DPYD: variants seen among roughly 807,000 people sequenced by gnomAD.
The protein encoded by DPYD is dihydropyrimidine dehydrogenase.
DPYD carries 109 observed loss-of-function variants against 116.2 expected under a neutral mutation model. That is an observed-to-expected ratio of 0.94 (90% CI 0.80 to 1.10). The LOEUF (loss-of-function observed/expected upper bound fraction) is 1.10. Ranked by LOEUF, DPYD falls within the 50% of genes least tolerant of loss-of-function variation. The probability of loss-of-function intolerance (pLI) is 0.00; values close to 1 mark genes in which losing one functional copy is unlikely to be tolerated. For missense variants in DPYD, 1,302 were observed against 1,254.5 expected, an observed-to-expected ratio of 1.04 and a Z score of -0.57; for synonymous variants, 440 against 432.0, an observed-to-expected ratio of 1.02 and a Z score of -0.23.
chr1:97,086,174 C>G (rs1399878717), intron 21 of DPYD, among the ~76,000 whole-genome samples: 1 of 152,150 alleles, frequency 6.6e-6, no homozygotes, highest in Non-Finnish European at 1.5e-5. Flanking sequence ...CTCCCTCAGC[C>G]TCCCAAGTAG....
In DPYD at chr1:97,725,224, T is replaced by C. The variant is rs1174860473; in HGVS notation, c.322-3553A>G. Among the ~76,000 whole-genome samples the C allele has an allele frequency of 3.3e-5, 5 of 151,610 alleles. No homozygotes were observed. In the East Asian group the frequency reaches 9.6e-4, roughly 29 times the overall value. On this transcript the variant is annotated intron_variant, in intron 4 of 22. Coordinates refer to ENST00000370192, the MANE Select transcript of DPYD (RefSeq NM_000110.4). ...CAACAGCAACAAACAAAATAAATTA[T>C]TCAGAACTATATGTATTAAAAACTG...
chr1:97,164,442 G>GA, intron 20 of DPYD, among the ~76,000 whole-genome samples: 1 of 152,240 alleles, frequency 6.6e-6, no homozygotes, highest in South Asian at 2.1e-4. Context: ...TTAGGCAAGA[G>GA]AAAGAAATAC....
intron 18 of DPYD, among the ~76,000 whole-genome samples, chr1:97,273,424 C>A (rs929263188): frequency 2.6e-5 from 4 of 152,242 alleles, no homozygotes; most frequent in South Asian, 4.1e-4. Context: ...CTAAACTACT[C>A]CCTCTCACAA....
chr1:97,780,065 C>G (rs1273983174), intron 3 of DPYD, among the ~76,000 whole-genome samples: 1 of 152,174 alleles, frequency 6.6e-6, no homozygotes. Flanking sequence ...TTTATAATTA[C>G]ATTTAATGCA....
intron 14 of DPYD, among the ~76,000 whole-genome samples, chr1:97,404,807 A>C (rs2101646746): frequency 6.6e-6 from 1 of 152,176 alleles, no homozygotes; most frequent in South Asian, 2.1e-4. Context: ...ACCTGGATTA[A>C]TATCTACTAT....
intron 12 of DPYD, among the ~76,000 whole-genome samples, chr1:97,517,571 TA>T (rs1648322492): frequency 6.6e-6 from 1 of 152,112 alleles, no homozygotes; most frequent in Admixed American, 6.6e-5. Context: ...CAAAAGGGAA[TA>T]ATTTCAGAAT....
chr1:97,274,924 G>A (rs1052392816), intron 18 of DPYD, among the ~76,000 whole-genome samples: 2 of 152,144 alleles, frequency 1.3e-5, no homozygotes, highest in Admixed American at 1.3e-4. Context: ...AGATGCACAG[G>A]ATGCATAAGA....
rs556101581 is a variant in DPYD, at chr1:97,644,620, T to G, written c.850+34475A>C. ...GCTTGTTTTTTGTTTTTTGTTTTTG[T>G]TTTTTTTTTTTGTATTTTTAGTAGA... On this transcript the variant is annotated intron_variant, in intron 8 of 22. Transcript: ENST00000370192. Among the ~76,000 whole-genome samples, 346 of 133,476 alleles carry G rather than the reference T, an allele frequency of 2.6e-3. 4 individuals carry two copies. Among genetic ancestry groups the G allele is most frequent in the African/African-American group, 0.01 (320 of 31,446 alleles). 87.6% of individuals were successfully genotyped at this position (133,476 alleles called of 152,430 possible).
At chr1:97,101,556 A>T (rs1650692244) in intron 20 of DPYD, among the ~76,000 whole-genome samples, 1 of 151,176 alleles carries the variant, frequency 6.6e-6, no homozygotes, top group African/African-American at 2.4e-5. Context: ...ATGAATGCAT[A>T]GTTGGCCACT....
chr1:97,206,241 G>A (rs1387526930), intron 19 of DPYD, among the ~76,000 whole-genome samples: 1 of 151,738 alleles, frequency 6.6e-6, no homozygotes, highest in Non-Finnish European at 1.5e-5. Flanking sequence ...GAAAAGTTTG[G>A]TGTATTTTAA....
intron 16 of DPYD, among the ~76,000 whole-genome samples, chr1:97,358,421 C>T (rs1426533252): frequency 6.6e-6 from 1 of 152,208 alleles, no homozygotes; most frequent in Non-Finnish European, 1.5e-5. Flanking sequence ...ACTTAAACAT[C>T]CCTGTCTGAC....
At chr1:97,508,564 A>G (rs914832971) in intron 13 of DPYD, among the ~76,000 whole-genome samples, 5 of 152,030 alleles carry the variant, frequency 3.3e-5, no homozygotes, top group African/African-American at 4.8e-5. Flanking sequence ...GTGCCACTCT[A>G]TACGAAGCAG....
chr1:97,130,719 TTTC>T lies in DPYD; in HGVS notation c.2623-32090_2623-32088del, dbSNP rs951692757. Among the ~76,000 whole-genome samples the T allele has an allele frequency of 4.7e-4, 58 of 124,118 alleles. 1 individual carries two copies. The South Asian group carries it at 9.8e-3, about 21-fold the overall frequency. The allele number at this position is 124,118 out of a possible 152,430, so 81.4% of individuals were successfully genotyped here. A position where few individuals can be genotyped will look rare whatever the true frequency, so the allele number is the denominator to read the frequency against. On this transcript the variant is annotated intron_variant, in intron 20 of 22. Transcript: ENST00000370192. ...CCCTCCTTCCCTCTCTCCCTCTCTC[TTTC>T]TTTCTTTCTTCCTTTCTTTCTTCTT...
At chr1:97,463,190 C>A (rs879315361) in intron 13 of DPYD, among the ~76,000 whole-genome samples, 1 of 152,118 alleles carries the variant, frequency 6.6e-6, no homozygotes, top group East Asian at 1.9e-4. Context: ...CTTGAATTCT[C>A]GAATGTTGAG....
intron 5 of DPYD, chr1:97,720,850 C>A: frequency 1.9e-6 from 3 of 1,604,422 alleles, no homozygotes; most frequent in Non-Finnish European, 2.6e-6. Context: ...AAATAGGAGA[C>A]GTCAGAGAGC....
intron 12 of DPYD, among the ~76,000 whole-genome samples, chr1:97,529,607 C>T (rs964784210): frequency 2.6e-5 from 4 of 152,132 alleles, no homozygotes; most frequent in Admixed American, 6.6e-5. Context: ...ATATCCATCA[C>T]GTTCAAAAGT....
intron 3 of DPYD, among the ~76,000 whole-genome samples, chr1:97,813,779 TC>T (rs1668439402): frequency 6.6e-6 from 1 of 152,170 alleles, no homozygotes; most frequent in African/African-American, 2.4e-5. Flanking sequence ...GGAAGACTGA[TC>T]TTTAAATATC....
At chr1:97,136,414 CTG>C (rs1653800910) in intron 20 of DPYD, among the ~76,000 whole-genome samples, 1 of 152,152 alleles carries the variant, frequency 6.6e-6, no homozygotes, top group African/African-American at 2.4e-5. Flanking sequence ...ATGTTTAGCA[CTG>C]GGATTCAGTG....
chr1:97,336,319 A>G (rs1483987264), intron 16 of DPYD, among the ~76,000 whole-genome samples: 1 of 152,202 alleles, frequency 6.6e-6, no homozygotes, highest in Non-Finnish European at 1.5e-5. Flanking sequence ...GCAGTTTTTA[A>G]AACATAACTG....
Sources: allele counts gnomAD v4.1 joint callset (sites outside exome capture counted in the v4.1 genomes callset), GRCh38; gene constraint gnomAD v4.1.1; transcripts MANE v1.5; gene names NCBI Gene and HGNC (gene_info 2026-07-23, HGNC 2026-07-21).